Variants in MEGF6 observed in about 807,000 individuals in gnomAD.
The protein encoded by MEGF6 is multiple epidermal growth factor-like domains protein 6.
MEGF6 carries 184 observed loss-of-function variants against 207.1 expected under a neutral mutation model. The observed-to-expected ratio is 0.89, with a 90% CI of 0.79 to 1.00. The LOEUF (loss-of-function observed/expected upper bound fraction) is 1.00, where lower values mean the gene tolerates loss of function less well. Among genes scored for constraint, MEGF6 ranks in the 50% least tolerant of loss-of-function variants. The pLI is 0.00. For missense variants in MEGF6, 2,282 were observed against 2,202.9 expected (o/e 1.04, Z -0.72); for synonymous variants, 1,038 against 910.0 (o/e 1.14, Z -2.53).
chr1:3,506,235 G>GC lies in MEGF6; in HGVS notation c.1790dup (p.Cys598LeufsTer68). On this transcript the variant is annotated frameshift_variant and splice_region_variant, in exon 15 of 37. Coordinates refer to ENST00000356575, the MANE Select transcript of MEGF6 (RefSeq NM_001409.4). LOFTEE classifies it high-confidence loss of function. ...GCTTGCCATAGTAGCCCTTGGGGCA[G>GC]CCTGGGGGCAGCGGGGCTCCATGTG... 1 of 1,608,672 alleles carries GC rather than the reference G, an allele frequency of 6.2e-7. No homozygotes were observed. Among genetic ancestry groups the GC allele is most frequent in the Non-Finnish European group, 8.5e-7 (1 of 1,178,282 alleles).
chr1:3,608,246 G>A lies in MEGF6; in HGVS notation c.131+2892C>T, dbSNP rs184672476. ...GCCCTGGGGCCCCTCGGACTCTCAG[G>A]TACCTTCCTGTAGACAAGGAGACAA... On this transcript the variant is annotated intron_variant, in intron 1 of 36. Transcript: ENST00000356575. 2.8e-3 allele frequency among the ~76,000 whole-genome samples: 425 copies of A among 152,236 alleles called. 1 individual carries two copies. Among genetic ancestry groups the A allele is most frequent in the African/African-American group, 9.9e-3 (410 of 41,528 alleles).
intron 4 of MEGF6, among the ~76,000 whole-genome samples, chr1:3,563,707 G>A (rs996011308): frequency 1.3e-5 from 2 of 152,210 alleles, no homozygotes; most frequent in East Asian, 1.9e-4. Context: ...AAAGAGAGAC[G>A]AGGCTGATGT....
Position 3,490,297 on chromosome 1 carries a change from C to T in MEGF6, c.*231G>A, listed in dbSNP as rs1640299492. 1 of 565,416 alleles carries T rather than the reference C, an allele frequency of 1.8e-6. No homozygotes were observed. The highest frequency in any genetic ancestry group is 3.1e-6 in the Non-Finnish European group (1 of 323,622). The allele number at this position is 565,416 out of a possible 1,614,324, so 35.0% of individuals were successfully genotyped here. On this transcript the variant is annotated 3_prime_UTR_variant, in exon 37 of 37. Transcript: ENST00000356575. ...GAGCGTGCCCCTGGGTTCTGCAGAG[C>T]CAGGCCAGGAGGCGCCTCTCTTCCA...
At chr1:3,624,427 C>T in the MEGF6 span, 8 of 152,380 alleles carry the variant, frequency 5.3e-5, no homozygotes, top group African/African-American at 1.4e-4. Context: ...CACTTTCTAC[C>T]CTCCGGCTTC....
At chr1:3,554,950 TC>T (rs1463541422) in intron 4 of MEGF6, among the ~76,000 whole-genome samples, 3 of 152,116 alleles carry the variant, frequency 2.0e-5, no homozygotes, top group African/African-American at 2.4e-5. Flanking sequence ...CTCTTCCAGC[TC>T]CCTCAGGGAA....
chr1:3,500,598 G>C (rs1045088918), intron 21 of MEGF6, 35 bp downstream of exon 21: 94 of 1,535,784 alleles, frequency 6.1e-5, no homozygotes, highest in Non-Finnish European at 7.9e-5. Context: ...TGCGCACTCA[G>C]GAGGGTGGCA....
chr1:3,623,718 T>C, the MEGF6 span, among the ~76,000 whole-genome samples: 4 of 152,348 alleles, frequency 2.6e-5, no homozygotes, highest in African/African-American at 9.6e-5. Flanking sequence ...CCAGCGCCCA[T>C]GCAACTTTGG....
intron 4 of MEGF6, among the ~76,000 whole-genome samples, chr1:3,571,179 T>C (rs1333969243): frequency 6.6e-6 from 1 of 151,546 alleles, no homozygotes; most frequent in Admixed American, 6.6e-5. Context: ...AGTGGCTGGG[T>C]TTTCTGATGG....
intron 2 of MEGF6, 144 bp downstream of exon 2, chr1:3,602,322 G>A (rs1190638726): frequency 7.9e-7 from 1 of 1,267,690 alleles, no homozygotes; most frequent in Non-Finnish European, 1.1e-6. Context: ...GAGGCCTCAT[G>A]CTCAGATGAG....
chr1:3,495,046 A>T (rs1329193218), intron 30 of MEGF6, among the ~76,000 whole-genome samples: 2 of 152,310 alleles, frequency 1.3e-5, no homozygotes, highest in East Asian at 3.9e-4. Flanking sequence ...TCACGGAGGC[A>T]GCGGCCCACT....
At chr1:3,541,535 A>G (rs1642519630) in intron 4 of MEGF6, among the ~76,000 whole-genome samples, 1 of 152,196 alleles carries the variant, frequency 6.6e-6, no homozygotes, top group Non-Finnish European at 1.5e-5. Flanking sequence ...TGCCAGGACC[A>G]GGGTCCAAAT....
chr1:3,497,992 C>T (rs1368308614), intron 26 of MEGF6, among the ~76,000 whole-genome samples: 4 of 152,142 alleles, frequency 2.6e-5, no homozygotes, highest in Non-Finnish European at 5.9e-5. Flanking sequence ...GCACAGCAGC[C>T]ACAGCCAGAC....
intron 10 of MEGF6, 149 bp from the exon 11 acceptor site, chr1:3,510,141 C>A: frequency 1.1e-5 from 12 of 1,141,996 alleles, no homozygotes; most frequent in Non-Finnish European, 1.4e-5. Context: ...TAAAACTCAC[C>A]CTCAGCCACA....
intron 32 of MEGF6, 53 bp downstream of exon 32, chr1:3,494,318 G>A: frequency 1.3e-6 from 2 of 1,514,640 alleles, no homozygotes; most frequent in Non-Finnish European, 1.8e-6. Context: ...CACGGGAGGA[G>A]TGGACAGTGG....
At chr1:3,608,918 G>A (rs1049392476) in intron 1 of MEGF6, among the ~76,000 whole-genome samples, 6 of 152,216 alleles carry the variant, frequency 3.9e-5, no homozygotes, top group Non-Finnish European at 8.8e-5. Context: ...ATGGGGCAAA[G>A]CACCTGGATC....
rs574417704 is a variant in MEGF6 at position 3,580,947 on chromosome 1, G to A, written c.377-1018C>T. ...GGGAAGCTCTAGACAAGGGGGCCCTGCCGGTGGCTGGGCTGGGGCTCCTGG... is the reference window on the plus strand; with the variant it reads ...GGGAAGCTCTAGACAAGGGGGCCCTACCGGTGGCTGGGCTGGGGCTCCTGG... On this transcript the variant is annotated intron_variant, in intron 3 of 36. Transcript: ENST00000356575. Among the ~76,000 whole-genome samples the A allele has an allele frequency of 4.6e-5, 7 of 152,222 alleles. No homozygotes were observed. The East Asian group carries it at 9.7e-4, about 21-fold the overall frequency.
At chr1:3,498,226 C>G in intron 26 of MEGF6, 145 bp downstream of exon 26, 1 of 1,065,764 alleles carries the variant, frequency 9.4e-7, no homozygotes, top group Non-Finnish European at 1.3e-6. Context: ...GGTCTTAGTG[C>G]TCCGACGGCA....
chr1:3,498,511 GAGGC>G lies in MEGF6; in HGVS notation c.3224-16_3224-13del. 6.4e-7 allele frequency: 1 copy of G among 1,563,074 alleles called. No individual in the cohort carries two copies. On this transcript the variant is annotated splice_polypyrimidine_tract_variant and intron_variant, in intron 25 of 36. Coordinates refer to ENST00000356575, the MANE Select transcript of MEGF6 (RefSeq NM_001409.4). ...CCGGGGGAGGCACTCTACAGGAGCA[GAGGC>G]AGGCACGAGGGTGAGGGTCCTGCCT...
At chr1:3,516,906 G>C (rs1641561835) in intron 5 of MEGF6, among the ~76,000 whole-genome samples, 1 of 152,182 alleles carries the variant, frequency 6.6e-6, no homozygotes, top group Non-Finnish European at 1.5e-5. Flanking sequence ...GCAGGCTGTG[G>C]GGAACCCAGG....
Sources: gnomAD v4.1 joint callset for allele counts (sites outside exome capture counted in the v4.1 genomes callset) on GRCh38, gnomAD v4.1.1 for gene constraint, MANE v1.5 for transcripts, NCBI Gene and HGNC (gene_info 2026-07-23, HGNC 2026-07-21) for gene names.